CDH11: variants seen among roughly 807,000 people sequenced by gnomAD.
The protein encoded by CDH11 is cadherin-11.
In CDH11, 11 loss-of-function variants were observed where a neutral mutation model predicts 67.8. The observed-to-expected ratio is 0.16, with a 90% CI of 0.10 to 0.27. The LOEUF (loss-of-function observed/expected upper bound fraction) is 0.27, where lower values mean the gene tolerates loss of function less well. Ranked by LOEUF, CDH11 falls within the 10% of genes least tolerant of loss-of-function variation. The pLI is 1.00. For missense variants in CDH11, 847 were observed against 1,031.2 expected, an observed-to-expected ratio of 0.82 and a Z score of 2.45; for synonymous variants, 419 against 400.0, an observed-to-expected ratio of 1.05 and a Z score of -0.57.
chr16:65,062,121 T>G (rs1798338141), intron 1 of CDH11, among the ~76,000 whole-genome samples: 1 of 152,098 alleles, frequency 6.6e-6, no homozygotes, highest in South Asian at 2.1e-4. Flanking sequence ...AAAAGAAACA[T>G]GACTAAGGAC....
At chr16:65,101,795 A>G (rs1266514252) in intron 1 of CDH11, among the ~76,000 whole-genome samples, 1 of 152,236 alleles carries the variant, frequency 6.6e-6, no homozygotes, top group East Asian at 1.9e-4. Flanking sequence ...CACAAACTAA[A>G]TATAAGATCC....
chr16:65,078,087 T>C (rs903495870), intron 1 of CDH11, among the ~76,000 whole-genome samples: 1 of 152,242 alleles, frequency 6.6e-6, no homozygotes, highest in African/African-American at 2.4e-5. Flanking sequence ...ACATTGCCAC[T>C]GAAAGCAAAT....
rs2071196564 is a variant in CDH11, at chr16:64,946,365, G to GGGA, written c.*1237_*1238insTCC. On this transcript the variant is annotated 3_prime_UTR_variant, in exon 13 of 13. Coordinates refer to ENST00000268603, the MANE Select transcript of CDH11 (RefSeq NM_001797.4). ...CCAGTTCCCCAGTGCTCAGTGTGGG[G>GGGA]CATAGAATGTATACCTGGAACATTA... 9.6e-7 allele frequency: 1 copy of GGGA among 1,040,252 alleles called. No homozygotes were observed. The highest frequency in any genetic ancestry group is 5.6e-5 in the Admixed American group (1 of 17,796). The allele number at this position is 1,040,252 out of a possible 1,614,324, so 64.4% of individuals were successfully genotyped here.
At position 64,988,284 on chromosome 16, in the gene CDH11, T is replaced by C; in HGVS notation, c.872A>G (p.Lys291Arg). The C allele has an allele frequency of 6.2e-7, 1 of 1,613,776 alleles. No individual in the cohort carries two copies. The highest frequency in any genetic ancestry group is 8.5e-7 in the Non-Finnish European group (1 of 1,179,766). Residue 291 changes from lysine (K) to arginine (R), a missense_variant, in exon 7 of 13, where the codon AAA becomes AGA. Coordinates refer to ENST00000268603, the MANE Select transcript of CDH11 (RefSeq NM_001797.4). The stretch of plus-strand genomic sequence containing the variant: ...TTCTCCAATGTCTGGATCTTTAGCT[T>C]TCACTCTTCCTACTTCCTCCCCAGG... ...AVPGEEVGRV[K>R]AKDPDIGENG...
chr16:65,039,173 C>G (rs1256274629), intron 2 of CDH11, among the ~76,000 whole-genome samples: 1 of 152,200 alleles, frequency 6.6e-6, no homozygotes, highest in Non-Finnish European at 1.5e-5. Flanking sequence ...CCATATGAAG[C>G]AAGTCCTCAA....
intron 4 of CDH11, among the ~76,000 whole-genome samples, chr16:64,998,316 AGT>A (rs2072826881): frequency 6.6e-6 from 1 of 152,260 alleles, no homozygotes; most frequent in African/African-American, 2.4e-5. Context: ...AGATATTACC[AGT>A]GTCATTACCT....
intron 11 of CDH11, among the ~76,000 whole-genome samples, chr16:64,967,766 T>C (rs1362387984): frequency 1.3e-5 from 2 of 152,174 alleles, no homozygotes; most frequent in Non-Finnish European, 2.9e-5. Context: ...TAGCCTATTA[T>C]CAAGTTATTT....
intron 1 of CDH11, among the ~76,000 whole-genome samples, chr16:65,079,469 A>G (rs1037909675): frequency 6.6e-6 from 1 of 152,032 alleles, no homozygotes; most frequent in Non-Finnish European, 1.5e-5. Context: ...TTTACCTTAC[A>G]CTATTGTGTA....
chr16:65,024,074 C>T (rs973292488), intron 2 of CDH11, among the ~76,000 whole-genome samples: 9 of 152,152 alleles, frequency 5.9e-5, no homozygotes, highest in South Asian at 2.1e-4. Flanking sequence ...AAGAAGACCA[C>T]GCTGCTCTTT....
At chr16:65,097,974 A>G (rs2074928398) in intron 1 of CDH11, among the ~76,000 whole-genome samples, 1 of 152,224 alleles carries the variant, frequency 6.6e-6, no homozygotes, top group African/African-American at 2.4e-5. Flanking sequence ...TGAGCCACTC[A>G]AACTCAGCCT....
chr16:65,038,510 A>T (rs536005711), intron 2 of CDH11, among the ~76,000 whole-genome samples: 21 of 152,304 alleles, frequency 1.4e-4, no homozygotes, highest in African/African-American at 4.6e-4. Flanking sequence ...TGCAACTTAC[A>T]ATAGAAATGT....
intron 7 of CDH11, 24 bp downstream of exon 7, chr16:64,988,133 G>A (rs138171969): frequency 5.4e-5 from 86 of 1,579,200 alleles, no homozygotes; most frequent in African/African-American, 3.1e-4. Flanking sequence ...CCACTGACAC[G>A]TCTGATTCCT....
chr16:64,946,828 C>A lies in CDH11; in HGVS notation c.*775G>T. On this transcript the variant is annotated 3_prime_UTR_variant, in exon 13 of 13. Coordinates refer to ENST00000268603, the MANE Select transcript of CDH11 (RefSeq NM_001797.4). ...TCAAAGATTGCTTCTTATATTGAAG[C>A]TCATATTAAAGCAACAGTACAATGT... 1.2e-6 allele frequency: 1 copy of A among 869,398 alleles called. No homozygotes were observed. The highest frequency in any genetic ancestry group is 1.4e-6 in the Non-Finnish European group (1 of 713,300). 53.9% of individuals were successfully genotyped at this position (869,398 alleles called of 1,614,324 possible). A position where few individuals can be genotyped will look rare whatever the true frequency, so the allele number is the denominator to read the frequency against.
intron 2 of CDH11, among the ~76,000 whole-genome samples, chr16:65,044,827 C>T (rs2073927339): frequency 6.6e-6 from 1 of 152,108 alleles, no homozygotes; most frequent in Non-Finnish European, 1.5e-5. Flanking sequence ...CTGAGAGGGA[C>T]TGCAAGCTTC....
chr16:64,944,888 A>G lies in CDH11; in HGVS notation c.*2715T>C. 1 of 220,230 alleles carries G rather than the reference A, an allele frequency of 4.5e-6. No homozygotes were observed. Among genetic ancestry groups the G allele is most frequent in the East Asian group, 6.7e-5 (1 of 15,022 alleles). The allele number at this position is 220,230 out of a possible 1,614,324, so 13.6% of individuals were successfully genotyped here. The stretch of plus-strand genomic sequence containing the variant: ...ATCTTCTTGCATTTTCTAGGAGGGC[A>G]AATAGGTAAATAGGTGATTATAAGA... On this transcript the variant is annotated 3_prime_UTR_variant, in exon 13 of 13. Transcript: ENST00000268603.
At chr16:65,027,525 C>T (rs976641258) in intron 2 of CDH11, among the ~76,000 whole-genome samples, 12 of 152,182 alleles carry the variant, frequency 7.9e-5, no homozygotes, top group Non-Finnish European at 5.9e-5. Context: ...AAAGGAAAGT[C>T]CCTTTGAACC....
chr16:64,946,603 T>C lies in CDH11; in HGVS notation c.*1000A>G. ...AAAAGCTTTACATGATGTTACAGAA[T>C]CTTGTCTGAAAAAACATTTGTAAAA... On this transcript the variant is annotated 3_prime_UTR_variant, in exon 13 of 13. Coordinates refer to ENST00000268603, the MANE Select transcript of CDH11 (RefSeq NM_001797.4). 2 of 1,032,428 alleles carry C rather than the reference T, an allele frequency of 1.9e-6. No individual in the cohort carries two copies. The highest frequency in any genetic ancestry group is 2.3e-6 in the Non-Finnish European group (2 of 858,246). 64.0% of individuals were successfully genotyped at this position (1,032,428 alleles called of 1,614,324 possible). A position where few individuals can be genotyped will look rare whatever the true frequency, so the allele number is the denominator to read the frequency against.
upstream of CDH11, chr16:65,122,125 C>CCGGGG (rs2142908071): frequency 5.8e-5 from 3 of 51,982 alleles, no homozygotes; most frequent in Non-Finnish European, 7.2e-5. Flanking sequence ...GGCGGGCAGG[C>CCGGGG]GGGTGCGGGG....
chr16:65,107,527 G>C (rs930242719), intron 1 of CDH11, among the ~76,000 whole-genome samples: 2 of 152,154 alleles, frequency 1.3e-5, no homozygotes, highest in African/African-American at 4.8e-5. Flanking sequence ...CTTTCTATCA[G>C]TTCCTTTCAA....
Sources: gnomAD v4.1 joint callset for allele counts (sites outside exome capture counted in the v4.1 genomes callset) on GRCh38, gnomAD v4.1.1 for gene constraint, MANE v1.5 for transcripts, NCBI Gene and HGNC (gene_info 2026-07-23, HGNC 2026-07-21) for gene names.